Variants in NBAS observed in about 807,000 individuals in gnomAD.
The protein encoded by NBAS is NBAS subunit of NRZ tethering complex.
Under a neutral mutation model 302.5 loss-of-function variants are expected in NBAS, and 219 were observed. The observed-to-expected ratio is 0.72, with a 90% CI of 0.65 to 0.81. The LOEUF (loss-of-function observed/expected upper bound fraction) is 0.81, where lower values mean the gene tolerates loss of function less well. NBAS is among the 30% of genes least tolerant of loss of function. The pLI is 0.00. For missense variants in NBAS, 2,932 were observed against 2,841.6 expected, an observed-to-expected ratio of 1.03 and a Z score of -0.72; for synonymous variants, 1,118 against 1,021.6, an observed-to-expected ratio of 1.09 and a Z score of -1.80.
the NBAS span, among the ~76,000 whole-genome samples, chr2:14,915,980 A>C: frequency 6.6e-6 from 1 of 152,322 alleles, no homozygotes; most frequent in South Asian, 2.1e-4. Flanking sequence ...CTCCCCAGCC[A>C]CATGGAACTG....
At chr2:14,888,416 C>A in the NBAS span, among the ~76,000 whole-genome samples, 1 of 151,886 alleles carries the variant, frequency 6.6e-6, no homozygotes, top group South Asian at 2.1e-4. Context: ...CAGGCGTGAG[C>A]CACCATGCCT....
chr2:15,112,367 G>T, the NBAS span, among the ~76,000 whole-genome samples: 1 of 152,062 alleles, frequency 6.6e-6, no homozygotes, highest in South Asian at 2.1e-4. Flanking sequence ...AAAGGATTGT[G>T]AAAAAATTAA....
the NBAS span, among the ~76,000 whole-genome samples, chr2:14,909,377 A>AAAAAAAAAAAAAAAAT: frequency 1.3e-5 from 1 of 78,736 alleles, no homozygotes; most frequent in Non-Finnish European, 2.8e-5. Flanking sequence ...AAAAAAAAAA[A>AAAAAAAAAAAAAAAAT]AAAAAAAAAA....
At chr2:15,136,776 G>C in the NBAS span, among the ~76,000 whole-genome samples, 2 of 152,138 alleles carry the variant, frequency 1.3e-5, no homozygotes, top group African/African-American at 4.8e-5. Context: ...CATGGGGTTG[G>C]TTCCCCCATG....
At chr2:15,515,245 A>AG (rs1662333773) in intron 9 of NBAS, among the ~76,000 whole-genome samples, 2 of 151,844 alleles carry the variant, frequency 1.3e-5, no homozygotes, top group South Asian at 4.2e-4. Flanking sequence ...AAACAGAAAA[A>AG]AAAAAGGAAG....
the NBAS span, among the ~76,000 whole-genome samples, chr2:14,866,886 A>G: frequency 6.6e-6 from 1 of 152,204 alleles, no homozygotes; most frequent in Non-Finnish European, 1.5e-5. Context: ...TATTCATGCA[A>G]TTCAGAAATG....
At chr2:14,942,516 A>G in the NBAS span, among the ~76,000 whole-genome samples, 1 of 152,224 alleles carries the variant, frequency 6.6e-6, no homozygotes, top group Non-Finnish European at 1.5e-5. Context: ...CTTCCTCAGA[A>G]GCTAAGCAGA....
At chr2:15,015,467 G>T in the NBAS span, among the ~76,000 whole-genome samples, 1 of 152,160 alleles carries the variant, frequency 6.6e-6, no homozygotes, top group Non-Finnish European at 1.5e-5. Context: ...TCCCAGGCAT[G>T]CAAAGATGGT....
chr2:15,214,772 T>C (rs1666577793), intron 48 of NBAS, among the ~76,000 whole-genome samples: 1 of 152,206 alleles, frequency 6.6e-6, no homozygotes, highest in Non-Finnish European at 1.5e-5. Flanking sequence ...ATTTTACTAA[T>C]ATTTTGGAAA....
At chr2:15,184,901 T>C (rs1455791822) in intron 50 of NBAS, among the ~76,000 whole-genome samples, 1 of 152,302 alleles carries the variant, frequency 6.6e-6, no homozygotes, top group East Asian at 1.9e-4. Context: ...CAAATAAACT[T>C]CTTCAGACAA....
At chr2:15,547,213 T>G (rs1347277273) in intron 6 of NBAS, among the ~76,000 whole-genome samples, 1 of 152,214 alleles carries the variant, frequency 6.6e-6, no homozygotes, top group Non-Finnish European at 1.5e-5. Flanking sequence ...TAGAACCAAA[T>G]AGCTCCTATT....
intron 48 of NBAS, among the ~76,000 whole-genome samples, chr2:15,204,644 T>C (rs1290376702): frequency 6.6e-6 from 1 of 151,992 alleles, no homozygotes; most frequent in East Asian, 1.9e-4. Context: ...ATTAAGAAAA[T>C]GTGGCACATA....
At chr2:14,893,141 C>T in the NBAS span, among the ~76,000 whole-genome samples, 1 of 152,142 alleles carries the variant, frequency 6.6e-6, no homozygotes, top group African/African-American at 2.4e-5. Flanking sequence ...TGGTCATTTA[C>T]ATTTTGTAAG....
At chr2:15,325,557 T>C (rs1471624996) in intron 38 of NBAS, among the ~76,000 whole-genome samples, 1 of 152,162 alleles carries the variant, frequency 6.6e-6, no homozygotes, top group African/African-American at 2.4e-5. Context: ...TTTTCTTCTG[T>C]AGCTTCCTTA....
chr2:15,219,027 C>T lies in NBAS; in HGVS notation c.6237-59G>A, dbSNP rs532575025. The stretch of plus-strand genomic sequence containing the variant: ...CCTAAGCCTTTTATTTTCCCCCTTC[C>T]GGTAATCAAATGTGGTCACTGACCT... On this transcript the variant is annotated intron_variant, in intron 47 of 51. Coordinates refer to ENST00000281513, the MANE Select transcript of NBAS (RefSeq NM_015909.4). 44 of 1,588,188 alleles carry T rather than the reference C, an allele frequency of 2.8e-5. No homozygotes were observed. In the East Asian group the frequency reaches 5.0e-4, roughly 18 times the overall value.
At chr2:15,278,478 T>C (rs1163205285) in intron 42 of NBAS, among the ~76,000 whole-genome samples, 2 of 152,214 alleles carry the variant, frequency 1.3e-5, no homozygotes, top group African/African-American at 2.4e-5. Context: ...TGCTGCTTGA[T>C]GGCACAGACC....
At chr2:15,414,670 C>T (rs371143271) in intron 25 of NBAS, among the ~76,000 whole-genome samples, 9 of 152,226 alleles carry the variant, frequency 5.9e-5, no homozygotes, top group South Asian at 2.1e-4. Context: ...ATCGGCCGTG[C>T]GCAGTGGCTC....
intron 29 of NBAS, among the ~76,000 whole-genome samples, chr2:15,380,980 C>T (rs1226914865): frequency 3.3e-5 from 5 of 152,154 alleles, no homozygotes; most frequent in Non-Finnish European, 5.9e-5. Flanking sequence ...AAGAGGGATC[C>T]GCTATAAAAT....
the NBAS span, among the ~76,000 whole-genome samples, chr2:15,016,822 T>C: frequency 6.6e-6 from 1 of 152,122 alleles, no homozygotes; most frequent in South Asian, 2.1e-4. Flanking sequence ...TCAATCCGTG[T>C]ATATACAGCC....
Sources: allele counts gnomAD v4.1 joint callset (sites outside exome capture counted in the v4.1 genomes callset), GRCh38; gene constraint gnomAD v4.1.1; transcripts MANE v1.5; gene names NCBI Gene and HGNC (gene_info 2026-07-23, HGNC 2026-07-21).